GLRX5: variants seen among roughly 807,000 people sequenced by gnomAD.
The protein encoded by GLRX5 is glutaredoxin-related protein 5, mitochondrial.
Under a neutral mutation model 13.8 loss-of-function variants are expected in GLRX5, and 10 were observed. That is an observed-to-expected ratio of 0.72 (90% confidence interval 0.45 to 1.23). The LOEUF (loss-of-function observed/expected upper bound fraction) is 1.23, where lower values mean the gene tolerates loss of function less well. GLRX5 is among the 50% of genes most tolerant of loss of function. GLRX5 has a pLI of 0.00. For missense variants in GLRX5, 233 were observed against 215.2 expected (o/e 1.08, Z -0.52); for synonymous variants, 98 against 101.1 (o/e 0.97, Z 0.18).
chr14:95,538,650 G>A (rs1376970606), intron 1 of GLRX5, among the ~76,000 whole-genome samples: 1 of 152,120 alleles, frequency 6.6e-6, no homozygotes, highest in East Asian at 1.9e-4. Flanking sequence ...ACCCAGCTGC[G>A]TGACTCCTAG....
At chr14:95,543,776 CTT>C in intron 1 of GLRX5, 169 bp from the exon 2 acceptor site, 1 of 654,292 alleles carries the variant, frequency 1.5e-6, no homozygotes, top group East Asian at 2.7e-5. Flanking sequence ...CCACTGGTCT[CTT>C]TGACACAAAA....
chr14:95,538,812 G>A lies in GLRX5; in HGVS notation c.295+3428G>A, dbSNP rs117986099. ...AGTCAGTCATGGGCAATATGTAGAT[G>A]AATGAGCAGGCTGAGTTTCAATAAA... On this transcript the variant is annotated intron_variant, in intron 1 of 1. Coordinates refer to ENST00000331334, the MANE Select transcript of GLRX5 (RefSeq NM_016417.3). Among the ~76,000 whole-genome samples, 49 of 152,350 alleles carry A rather than the reference G, an allele frequency of 3.2e-4. 2 individuals are homozygous for A. In the East Asian group the frequency reaches 9.4e-3, roughly 29 times the overall value.
Position 95,544,280 on chromosome 14 carries a change from G to C in GLRX5, c.*155G>C. The C allele has an allele frequency of 1.5e-6, 1 of 675,908 alleles. No individual in the cohort carries two copies. Among genetic ancestry groups the C allele is most frequent in the Non-Finnish European group, 2.7e-6 (1 of 370,800 alleles). 41.9% of individuals were successfully genotyped at this position (675,908 alleles called of 1,614,324 possible). ...AGCAGTTGGTGATTTTAGTTGGTCTGGTGTTCGGGCTAAGAATATTTTATT... is the reference window on the plus strand; with the variant it reads ...AGCAGTTGGTGATTTTAGTTGGTCTCGTGTTCGGGCTAAGAATATTTTATT... On this transcript the variant is annotated 3_prime_UTR_variant, in exon 2 of 2. Coordinates refer to ENST00000331334, the MANE Select transcript of GLRX5 (RefSeq NM_016417.3).
chr14:95,541,309 G>T (rs1891469175), intron 1 of GLRX5, among the ~76,000 whole-genome samples: 1 of 152,166 alleles, frequency 6.6e-6, no homozygotes. Flanking sequence ...CTTATGAAGA[G>T]TAGTCTTTTA....
At chr14:95,537,469 A>G (rs1891400766) in intron 1 of GLRX5, among the ~76,000 whole-genome samples, 1 of 152,238 alleles carries the variant, frequency 6.6e-6, no homozygotes, top group Non-Finnish European at 1.5e-5. Flanking sequence ...AAAAGTAAAG[A>G]TTAGTAAGTA....
In GLRX5 at chr14:95,544,021, A is replaced by T. The variant is rs1417253611; in HGVS notation, c.370A>T (p.Ile124Phe). The T allele has an allele frequency of 1.2e-6, 2 of 1,614,106 alleles. No homozygotes were observed. Among genetic ancestry groups the T allele is most frequent in the East Asian group, 4.5e-5 (2 of 44,890 alleles). Reference protein sequence around the residue: ...LNGEFVGGCDILLQMHQNGDL... With the variant: ...LNGEFVGGCDFLLQMHQNGDL... ...TGGCGAGTTTGTAGGGGGCTGTGAC[A>T]TTCTTCTGCAGATGCACCAGAATGG... The change falls in exon 2 of 2, where the codon ATT becomes TTT. Residue 124 changes from isoleucine (I) to phenylalanine (F), a missense_variant. Transcript: ENST00000331334.
At chr14:95,540,833 A>G (rs1239106104) in intron 1 of GLRX5, among the ~76,000 whole-genome samples, 4 of 152,246 alleles carry the variant, frequency 2.6e-5, no homozygotes, top group African/African-American at 9.6e-5. Context: ...AGTAATGCCC[A>G]GTGTTCTGAA....
chr14:95,543,893 T>G (rs564135768), intron 1 of GLRX5, 54 bp from the exon 2 acceptor site: 254 of 1,487,706 alleles, frequency 1.7e-4, no homozygotes, highest in African/African-American at 1.1e-3. Flanking sequence ...TATTTAGTCA[T>G]GAATGGTTCA....
chr14:95,543,447 C>T (rs1236052718), intron 1 of GLRX5: 12 of 313,132 alleles, frequency 3.8e-5, no homozygotes, highest in African/African-American at 1.1e-4. Context: ...TGGGATTGCC[C>T]GAGTTGGCCA....
chr14:95,535,859 G>A (rs1266265896), intron 1 of GLRX5, among the ~76,000 whole-genome samples: 1 of 152,188 alleles, frequency 6.6e-6, no homozygotes, highest in Non-Finnish European at 1.5e-5. Flanking sequence ...ATGGTGGGGA[G>A]AGGGCTGAGG....
At chr14:95,541,507 T>C (rs1307690052) in intron 1 of GLRX5, among the ~76,000 whole-genome samples, 1 of 152,220 alleles carries the variant, frequency 6.6e-6, no homozygotes, top group Admixed American at 6.5e-5. Flanking sequence ...GCAGCTAAGT[T>C]TAATTTTGAT....
chr14:95,543,989 A>G lies in GLRX5; in HGVS notation c.338A>G (p.Tyr113Cys). Residue 113 changes from tyrosine to cysteine, a missense_variant, in exon 2 of 2, where the codon TAC (tyrosine) becomes TGC (cysteine). Transcript: ENST00000331334. ...YSNWPTIPQV[Y>C]LNGEFVGGCD... Reference sequence around the variant, plus strand: ...AACTGGCCCACCATCCCGCAAGTGTACCTCAATGGCGAGTTTGTAGGGGGC... The same window carrying G: ...AACTGGCCCACCATCCCGCAAGTGTGCCTCAATGGCGAGTTTGTAGGGGGC... 3.7e-6 allele frequency: 6 copies of G among 1,614,048 alleles called. No individual in the cohort carries two copies. Among genetic ancestry groups the G allele is most frequent in the Non-Finnish European group, 5.1e-6 (6 of 1,179,890 alleles).
chr14:95,539,328 A>G (rs1192751013), intron 1 of GLRX5, among the ~76,000 whole-genome samples: 1 of 152,226 alleles, frequency 6.6e-6, no homozygotes, highest in East Asian at 1.9e-4. Context: ...AAAAACTGAC[A>G]GGAAGGGATC....
chr14:95,544,004 T>C lies in GLRX5; in HGVS notation c.353T>C (p.Phe118Ser). Residue 118 changes from phenylalanine to serine, a missense_variant, in exon 2 of 2, where the codon TTT becomes TCT. Transcript: ENST00000331334. ...TIPQVYLNGE[F>S]VGGCDILLQM... is the part of the protein sequence containing the mutation. ...CCGCAAGTGTACCTCAATGGCGAGT[T>C]TGTAGGGGGCTGTGACATTCTTCTG... 1.2e-6 allele frequency: 2 copies of C among 1,614,032 alleles called. No individual in the cohort carries two copies. The highest frequency in any genetic ancestry group is 4.5e-5 in the East Asian group (2 of 44,888).
chr14:95,542,898 T>C (rs562991745), intron 1 of GLRX5: 1 of 382,616 alleles, frequency 2.6e-6, no homozygotes, highest in Non-Finnish European at 5.3e-6. Context: ...AGTAGACTGA[T>C]GAAGAGGAAT....
intron 1 of GLRX5, among the ~76,000 whole-genome samples, chr14:95,539,009 G>T (rs920846079): frequency 2.6e-5 from 4 of 152,206 alleles, no homozygotes; most frequent in African/African-American, 9.6e-5. Context: ...TAAGCGGTGG[G>T]TAAGTGAGCT....
intron 1 of GLRX5, among the ~76,000 whole-genome samples, chr14:95,537,107 A>G (rs540995898): frequency 2.0e-5 from 3 of 152,250 alleles, no homozygotes; most frequent in Non-Finnish European, 4.4e-5. Flanking sequence ...CCAATATGGC[A>G]CTAGTAAAAA....
chr14:95,539,422 G>C (rs1410396639), intron 1 of GLRX5, among the ~76,000 whole-genome samples: 2 of 152,340 alleles, frequency 1.3e-5, no homozygotes, highest in East Asian at 3.9e-4. Flanking sequence ...ACTAGATCTA[G>C]ATGTATTTAA....
intron 1 of GLRX5, among the ~76,000 whole-genome samples, chr14:95,539,494 G>A (rs1015399932): frequency 6.6e-6 from 1 of 152,142 alleles, no homozygotes; most frequent in Admixed American, 6.5e-5. Flanking sequence ...ACGTAATTAT[G>A]GCATAATACC....
Sources: allele counts gnomAD v4.1 joint callset (sites outside exome capture counted in the v4.1 genomes callset), GRCh38; gene constraint gnomAD v4.1.1; transcripts MANE v1.5; gene names NCBI Gene and HGNC (gene_info 2026-07-23, HGNC 2026-07-21).